Variants in TYW1 observed in about 807,000 individuals in gnomAD.
The protein encoded by TYW1 is tRNA-yW synthesizing protein 1 homolog, also known as S-adenosyl-L-methionine-dependent tRNA 4-demethylwyosine synthase TYW1.
In TYW1, 46 loss-of-function variants were observed where a neutral mutation model predicts 96.2. That is an observed-to-expected ratio of 0.48 (90% CI 0.38 to 0.61). TYW1 has a LOEUF of 0.61. TYW1 is among the 20% of genes least tolerant of loss of function. TYW1 has a pLI of 0.00. For missense variants in TYW1, 684 were observed against 909.6 expected (o/e 0.75, Z 3.19); for synonymous variants, 274 against 323.0 (o/e 0.85, Z 1.63).
rs1798566098 is a variant in TYW1 at position 67,145,091 on chromosome 7, AT to A, written c.1698+27477del. On this transcript the variant is annotated intron_variant, in intron 13 of 15. Transcript: ENST00000359626. ...TTCAGTTGTTAGCAGTCTTTTACATATTTTACAGACCAATACAATGGCTATT... is the reference window on the plus strand; with the variant it reads ...TTCAGTTGTTAGCAGTCTTTTACATATTTACAGACCAATACAATGGCTATT... Among the ~76,000 whole-genome samples the A allele has an allele frequency of 1.4e-5, 2 of 141,938 alleles. 1 individual carries two copies. The highest frequency in any genetic ancestry group is 3.0e-5 in the Non-Finnish European group (2 of 65,610). 93.1% of individuals were successfully genotyped at this position (141,938 alleles called of 152,430 possible). A position where few individuals can be genotyped will look rare whatever the true frequency, so the allele number is the denominator to read the frequency against.
chr7:67,180,220 A>G (rs936299071), intron 13 of TYW1, among the ~76,000 whole-genome samples: 2 of 130,506 alleles, frequency 1.5e-5, no homozygotes, highest in African/African-American at 3.2e-5. Context: ...AATATTTGGT[A>G]TGATACGCTG....
At chr7:67,187,343 C>T (rs938047061) in intron 14 of TYW1, among the ~76,000 whole-genome samples, 4 of 151,942 alleles carry the variant, frequency 2.6e-5, no homozygotes, top group African/African-American at 4.8e-5. Context: ...GGATTACAGG[C>T]GTGAGCCACC....
intron 1 of TYW1, 49 bp downstream of exon 1, chr7:66,997,031 C>G: frequency 6.2e-7 from 1 of 1,612,220 alleles, no homozygotes; most frequent in East Asian, 2.2e-5. Context: ...GGGAGGTAAA[C>G]GTTTTACTGA....
intron 7 of TYW1, among the ~76,000 whole-genome samples, chr7:67,044,934 T>C (rs1795140486): frequency 6.6e-6 from 1 of 152,106 alleles, no homozygotes; most frequent in African/African-American, 2.4e-5. Context: ...CAACCTTTTC[T>C]ATAGGAATTG....
chr7:67,106,757 T>G (rs1797257183), intron 12 of TYW1, among the ~76,000 whole-genome samples: 1 of 152,220 alleles, frequency 6.6e-6, no homozygotes, highest in South Asian at 2.1e-4. Context: ...TTTTAAAATT[T>G]ACATTTAGAA....
intron 7 of TYW1, among the ~76,000 whole-genome samples, chr7:67,033,736 C>T (rs924876531): frequency 2.7e-5 from 4 of 150,004 alleles, no homozygotes; most frequent in African/African-American, 9.8e-5. Flanking sequence ...CGCTCTGTTG[C>T]CAAGGCTGGA....
chr7:67,089,205 A>G, intron 11 of TYW1: 4 of 893,680 alleles, frequency 4.5e-6, no homozygotes, highest in Non-Finnish European at 6.3e-6. Context: ...TCCCCCTTAT[A>G]TATTTATAAT....
intron 13 of TYW1, among the ~76,000 whole-genome samples, chr7:67,130,407 C>A (rs1045633523): frequency 2.0e-5 from 3 of 151,746 alleles, no homozygotes; most frequent in Admixed American, 6.6e-5. Flanking sequence ...GGTGCGGTGG[C>A]TCACATCTGG....
At chr7:67,235,425 G>A (rs1270571474) in intron 15 of TYW1, among the ~76,000 whole-genome samples, 1 of 152,170 alleles carries the variant, frequency 6.6e-6, no homozygotes, top group Admixed American at 6.5e-5. Flanking sequence ...TTAATGTCAT[G>A]TCAGTCACCC....
chr7:67,097,146 A>C (rs911333209), intron 11 of TYW1, among the ~76,000 whole-genome samples: 2 of 151,852 alleles, frequency 1.3e-5, no homozygotes, highest in African/African-American at 2.4e-5. Context: ...GGGGCTTCAG[A>C]AACTGCGAAT....
chr7:67,014,433 G>A lies in TYW1; in HGVS notation c.442G>A (p.Ala148Thr), dbSNP rs1013011918. 3.0e-5 allele frequency: 49 copies of A among 1,613,822 alleles called. No individual in the cohort carries two copies. Among genetic ancestry groups the A allele is most frequent in the Non-Finnish European group, 3.9e-5 (46 of 1,179,870 alleles). Residue 148 changes from alanine to threonine, a missense_variant, in exon 5 of 16, where the codon GCA (alanine) becomes ACA (threonine). Physicochemically the swap from Ala to Thr is moderately conservative, Grantham distance 58. Transcript: ENST00000359626. ...TYTDGLPTES[A>T]EWFCKWLEEA... ...CACTGACGGCCTACCAACTGAAAGT[G>A]CAGAGTGGTTCTGCAAATGGTTAGA... is the stretch of plus-strand genomic sequence containing the variant.
intron 15 of TYW1, among the ~76,000 whole-genome samples, chr7:67,235,197 C>T (rs889918255): frequency 1.3e-5 from 2 of 152,184 alleles, no homozygotes; most frequent in African/African-American, 4.8e-5. Context: ...AAAGAGACTC[C>T]TCTACAGGGC....
intron 9 of TYW1, among the ~76,000 whole-genome samples, chr7:67,066,852 CA>C (rs1424981364): frequency 6.6e-6 from 1 of 152,170 alleles, no homozygotes; most frequent in African/African-American, 2.4e-5. Flanking sequence ...TGTCTCAAAA[CA>C]AAACAAAGGA....
chr7:67,167,064 C>T (rs1388642942), intron 13 of TYW1, among the ~76,000 whole-genome samples: 1 of 152,200 alleles, frequency 6.6e-6, no homozygotes, highest in African/African-American at 2.4e-5. Flanking sequence ...ATGTCCCTTT[C>T]TGCTCTATGT....
At chr7:67,215,335 G>T (rs1916854) in intron 15 of TYW1, among the ~76,000 whole-genome samples, 40,438 of 151,590 alleles carry the variant, frequency 0.27, 5,753 homozygotes, top group African/African-American at 0.36. Flanking sequence ...ATTAACCTAG[G>T]TTAACTCTTA....
rs34585182 is a variant in TYW1 at position 67,230,652 on chromosome 7, C to CTTTTTTTTTTTTTT, written c.1978-7651_1978-7638dup. Among the ~76,000 whole-genome samples the CTTTTTTTTTTTTTT allele has an allele frequency of 1.3e-3, 151 of 119,504 alleles. 2 individuals are homozygous for CTTTTTTTTTTTTTT. Among genetic ancestry groups the CTTTTTTTTTTTTTT allele is most frequent in the Non-Finnish European group, 2.1e-3 (123 of 59,392 alleles). 78.4% of individuals were successfully genotyped at this position (119,504 alleles called of 152,430 possible). ...CAACCCACCATTTTGCTTATTATCT[C>CTTTTTTTTTTTTTT]TTTTTTTTTTTTTTTTTTGAGGCGG... On this transcript the variant is annotated intron_variant, in intron 15 of 15. Coordinates refer to ENST00000359626, the MANE Select transcript of TYW1 (RefSeq NM_018264.4).
At chr7:67,236,419 T>C (rs1801893252) in intron 15 of TYW1, among the ~76,000 whole-genome samples, 1 of 152,236 alleles carries the variant, frequency 6.6e-6, no homozygotes, top group Admixed American at 6.5e-5. Context: ...GTCACGCCAC[T>C]GGCAGCAGAA....
intron 13 of TYW1, among the ~76,000 whole-genome samples, chr7:67,168,284 T>C (rs1170608397): frequency 6.6e-6 from 1 of 152,132 alleles, no homozygotes; most frequent in Admixed American, 6.6e-5. Context: ...ATGTATTATC[T>C]TTTTTGTGTA....
chr7:67,199,322 G>A (rs1416362932), intron 15 of TYW1, among the ~76,000 whole-genome samples: 3 of 152,146 alleles, frequency 2.0e-5, no homozygotes, highest in Non-Finnish European at 4.4e-5. Flanking sequence ...CCTTTTCAGC[G>A]TGTCACACTT....
Sources: allele counts gnomAD v4.1 joint callset (sites outside exome capture counted in the v4.1 genomes callset), GRCh38; gene constraint gnomAD v4.1.1; transcripts MANE v1.5; gene names NCBI Gene and HGNC (gene_info 2026-07-23, HGNC 2026-07-21).